The following CCDC187 variants were observed in gnomAD, a reference collection of about 807,000 sequenced individuals.
CCDC187 encodes the protein coiled-coil domain-containing protein 187.
In CCDC187, 32 loss-of-function variants were observed where a neutral mutation model predicts 38.0. The observed-to-expected ratio is 0.84, with a 90% confidence interval of 0.64 to 1.13. CCDC187 has a LOEUF of 1.13. CCDC187 is among the 50% of genes most tolerant of loss of function. The pLI is 0.00. For missense variants in CCDC187, 707 were observed against 786.8 expected, an observed-to-expected ratio of 0.90 and a Z score of 1.21; for synonymous variants, 333 against 347.9, an observed-to-expected ratio of 0.96 and a Z score of 0.48.
In CCDC187 at chr9:136,257,410, T is replaced by G. The variant is rs1830626920; in HGVS notation, c.4367-569A>C. ...AATAATAATAATAATAATAATAATT[T>G]AGAGGCCTCTTTCCCTCCCTTGGGG... On this transcript the variant is annotated intron_variant, in intron 22 of 25. Transcript: ENST00000638797. The surrounding 1 kb of genome is among the most constrained non-coding windows in gnomAD (Gnocchi z 4.5). Among the ~76,000 whole-genome samples the G allele has an allele frequency of 6.7e-6, 1 of 150,194 alleles. No homozygotes were observed. Among genetic ancestry groups the G allele is most frequent in the African/African-American group, 2.5e-5 (1 of 40,562 alleles).
intron 15 of CCDC187, 177 bp from the exon 16 acceptor site, chr9:136,267,688 C>T: frequency 1.1e-6 from 1 of 926,658 alleles, no homozygotes; most frequent in Non-Finnish European, 1.3e-6. Context: ...CCTATGCCGC[C>T]CTCGCTTCCC....
intron 8 of CCDC187, 29 bp from the exon 9 acceptor site, chr9:136,285,635 C>G: frequency 2.5e-6 from 1 of 399,878 alleles, no homozygotes; most frequent in Non-Finnish European, 4.4e-6. Flanking sequence ...TGGCTTCACT[C>G]CCTGGTCAGC....
rs2131093302 is a variant in CCDC187 at position 136,252,479 on chromosome 9, TC to T, written c.*1114del. 5.3e-6 allele frequency: 1 copy of T among 188,840 alleles called. No individual in the cohort carries two copies. Among genetic ancestry groups the T allele is most frequent in the East Asian group, 2.0e-4 (1 of 5,100 alleles). 11.7% of individuals were successfully genotyped at this position (188,840 alleles called of 1,614,324 possible). A position where few individuals can be genotyped will look rare whatever the true frequency, so the allele number is the denominator to read the frequency against. On this transcript the variant is annotated 3_prime_UTR_variant, in exon 26 of 26. Coordinates refer to ENST00000638797, the MANE Select transcript of CCDC187 (RefSeq NM_001378188.1). ...CCCGCACAGCCGGCCGCCCACCCGG[TC>T]CACCCTGGGAAGGTCCAGGCGACCA...
intron 2 of CCDC187, 62 bp downstream of exon 2, chr9:136,302,750 C>A: frequency 5.0e-6 from 2 of 399,176 alleles, no homozygotes; most frequent in East Asian, 3.6e-5. Flanking sequence ...ATCCTGCCCG[C>A]TTTCCACCCT....
At position 136,293,899 on chromosome 9, in the gene CCDC187, C is replaced by A. The variant is rs1181609078; in HGVS notation, c.833-1604G>T. Among the ~76,000 whole-genome samples the A allele has an allele frequency of 2.0e-5, 3 of 152,002 alleles. No individual in the cohort carries two copies. In the East Asian group the frequency reaches 5.8e-4, roughly 29 times the overall value. ...TGACTCACACGCTCACACACAACCACACACACTCATACACTCATATACACA... is the reference window on the plus strand; with the variant it reads ...TGACTCACACGCTCACACACAACCAAACACACTCATACACTCATATACACA... On this transcript the variant is annotated intron_variant, in intron 4 of 25. Coordinates refer to ENST00000638797, the MANE Select transcript of CCDC187 (RefSeq NM_001378188.1).
chr9:136,286,737 C>T (rs1036439449), intron 7 of CCDC187, 42 bp from the exon 8 acceptor site: 15 of 398,380 alleles, frequency 3.8e-5, no homozygotes, highest in Admixed American at 3.5e-4. Flanking sequence ...CAGGCTCGGT[C>T]GCCCCAGCAG....
intron 7 of CCDC187, among the ~76,000 whole-genome samples, chr9:136,287,726 C>T (rs1198020001): frequency 4.6e-5 from 7 of 152,168 alleles, no homozygotes; most frequent in South Asian, 2.1e-4. Context: ...ACAAGCATGG[C>T]GTGTTCCTGC....
intron 14 of CCDC187, among the ~76,000 whole-genome samples, chr9:136,274,098 C>T (rs1448963402): frequency 6.6e-6 from 1 of 152,232 alleles, no homozygotes; most frequent in East Asian, 1.9e-4. Flanking sequence ...GGCGTATCAA[C>T]GGGCCTGGAA....
chr9:136,253,231 G>A lies in CCDC187; in HGVS notation c.*363C>T, dbSNP rs977568980. On this transcript the variant is annotated 3_prime_UTR_variant, in exon 26 of 26. Coordinates refer to ENST00000638797, the MANE Select transcript of CCDC187 (RefSeq NM_001378188.1). ...GCTCTCTGCATGCCCAGAGCTCTGC[G>A]CTCCTTCCCAGGGCTCTCCCCGACT... 3.3e-5 allele frequency: 5 copies of A among 152,708 alleles called. No homozygotes were observed. Among genetic ancestry groups the A allele is most frequent in the South Asian group, 2.1e-4 (1 of 4,842 alleles). The allele number at this position is 152,708 out of a possible 1,614,324, so 9.5% of individuals were successfully genotyped here. A position where few individuals can be genotyped will look rare whatever the true frequency, so the allele number is the denominator to read the frequency against.
At chr9:136,261,489 CCCT>C (rs148063585) in intron 19 of CCDC187, among the ~76,000 whole-genome samples, 43,070 of 152,054 alleles carry the variant, frequency 0.28, 7,012 homozygotes, top group East Asian at 0.37. Context: ...CCGGCCCCTC[CCCT>C]CCAGCCCTAT....
chr9:136,299,283 C>G (rs1325357347), intron 3 of CCDC187, among the ~76,000 whole-genome samples: 1 of 152,182 alleles, frequency 6.6e-6, no homozygotes, highest in Non-Finnish European at 1.5e-5. Flanking sequence ...GCTCACACTC[C>G]ACATGGGAGG....
In CCDC187 at chr9:136,293,531, T is replaced by G. The variant is rs1239584419; in HGVS notation, c.833-1236A>C. On this transcript the variant is annotated intron_variant, in intron 4 of 25. Coordinates refer to ENST00000638797, the MANE Select transcript of CCDC187 (RefSeq NM_001378188.1). ...CAAACACACATGCTCACATACACGC[T>G]TACACACTCACACTGACATGCTCAC... Among the ~76,000 whole-genome samples the G allele has an allele frequency of 3.5e-5, 3 of 86,186 alleles. No homozygotes were observed. In the Admixed American group the frequency reaches 3.8e-4, roughly 11 times the overall value. 56.5% of individuals were successfully genotyped at this position (86,186 alleles called of 152,430 possible). A position where few individuals can be genotyped will look rare whatever the true frequency, so the allele number is the denominator to read the frequency against.
chr9:136,270,398 AC>A (rs767116516), intron 14 of CCDC187, among the ~76,000 whole-genome samples: 2 of 134,348 alleles, frequency 1.5e-5, no homozygotes, highest in Non-Finnish European at 3.5e-5. Flanking sequence ...TGATCATAGG[AC>A]AGGGGGCCCT....
intron 4 of CCDC187, among the ~76,000 whole-genome samples, chr9:136,293,856 T>TCG (rs1831451084): frequency 6.6e-6 from 1 of 151,366 alleles, no homozygotes; most frequent in Non-Finnish European, 1.5e-5. Flanking sequence ...TCACACACAT[T>TCG]CAGTCTCATA....
rs554782223 is a variant in CCDC187 at position 136,271,119 on chromosome 9, T to C, written c.3443-2994A>G. Among the ~76,000 whole-genome samples, 7 of 152,100 alleles carry C rather than the reference T, an allele frequency of 4.6e-5. No individual in the cohort carries two copies. The South Asian group carries it at 1.5e-3, about 32-fold the overall frequency. ...ATAATTGGAGTCCCTGAAGGAGAGG[T>C]GAGAGAAAGAGGAGCAAAAAGATAT... On this transcript the variant is annotated intron_variant, in intron 14 of 25. Coordinates refer to ENST00000638797, the MANE Select transcript of CCDC187 (RefSeq NM_001378188.1).
intron 10 of CCDC187, among the ~76,000 whole-genome samples, chr9:136,279,523 C>T (rs1830998744): frequency 6.6e-6 from 1 of 152,238 alleles, no homozygotes; most frequent in African/African-American, 2.4e-5. Flanking sequence ...ACTCTGACCT[C>T]ACCCCCTTGG....
In CCDC187 at chr9:136,264,121, C is replaced by G. The variant is rs1473648471; in HGVS notation, c.3736-323G>C. 1.3e-5 allele frequency: 2 copies of G among 152,576 alleles called. No individual in the cohort carries two copies. Among genetic ancestry groups the G allele is most frequent in the Non-Finnish European group, 2.9e-5 (2 of 68,308 alleles). 9.5% of individuals were successfully genotyped at this position (152,576 alleles called of 1,614,324 possible). A position where few individuals can be genotyped will look rare whatever the true frequency, so the allele number is the denominator to read the frequency against. ...CAGGCTCCAGGCACTGCCCCCACCC[C>G]GTCACTCCTTTACAACTGTTCTTTC... On this transcript the variant is annotated intron_variant, in intron 17 of 25. Coordinates refer to ENST00000638797, the MANE Select transcript of CCDC187 (RefSeq NM_001378188.1). The surrounding 1 kb of genome is among the most constrained non-coding windows in gnomAD (Gnocchi z 4.3).
At chr9:136,300,121 A>G (rs1420339471) in intron 3 of CCDC187, 99 bp downstream of exon 3, 23 of 396,372 alleles carry the variant, frequency 5.8e-5, no homozygotes, top group Non-Finnish European at 1.0e-4. Context: ...CCTGACCCTC[A>G]GTGTCTTTGT....
chr9:136,285,281 G>A (rs966016292), intron 9 of CCDC187, among the ~76,000 whole-genome samples: 69 of 152,228 alleles, frequency 4.5e-4, no homozygotes, highest in Non-Finnish European at 8.5e-4. Flanking sequence ...GGGCATTCGT[G>A]GGGGGAGTGT....
Sources: gnomAD v4.1 joint callset for allele counts (sites outside exome capture counted in the v4.1 genomes callset) on GRCh38, gnomAD v4.1.1 for gene constraint, Gnocchi (gnomAD v3.1) non-coding constraint, MANE v1.5 for transcripts, NCBI Gene and HGNC (gene_info 2026-07-23, HGNC 2026-07-21) for gene names.